NUP133: variants seen among roughly 807,000 people sequenced by gnomAD.
The protein encoded by NUP133 is nucleoporin 133, also known as nuclear pore complex protein Nup133.
A neutral mutation model predicts 146.2 loss-of-function variants in NUP133; 66 were observed. The observed-to-expected ratio is 0.45, with a 90% CI of 0.37 to 0.55. The LOEUF (loss-of-function observed/expected upper bound fraction) is 0.55. Ranked by LOEUF, NUP133 falls within the 20% of genes least tolerant of loss-of-function variation. The pLI is 0.00. For synonymous variants in NUP133, 521 were observed against 498.8 expected, an observed-to-expected ratio of 1.04 and a Z score of -0.59; for missense variants, 1,277 against 1,374.8, an observed-to-expected ratio of 0.93 and a Z score of 1.12.
At chr1:229,491,704 C>A (rs1186855081) in intron 8 of NUP133, among the ~76,000 whole-genome samples, 2 of 152,028 alleles carry the variant, frequency 1.3e-5, no homozygotes, top group Non-Finnish European at 1.5e-5. Flanking sequence ...CTTGAACCTG[C>A]GATGCAGAGA....
chr1:229,480,544 A>G (rs1661183785), intron 12 of NUP133, among the ~76,000 whole-genome samples: 1 of 152,248 alleles, frequency 6.6e-6, no homozygotes, highest in African/African-American at 2.4e-5. Context: ...CTATAAAAAC[A>G]GTAATATTAC....
chr1:229,478,318 T>C (rs959598298), intron 12 of NUP133, among the ~76,000 whole-genome samples: 2 of 152,072 alleles, frequency 1.3e-5, no homozygotes, highest in Non-Finnish European at 2.9e-5. Flanking sequence ...TGCTCGGCTC[T>C]GGACACAGAA....
Position 229,508,139 on chromosome 1 carries a change from C to A in NUP133, c.111G>T (p.Leu37=). 6.3e-7 allele frequency: 1 copy of A among 1,596,476 alleles called. No individual in the cohort carries two copies. Among genetic ancestry groups the A allele is most frequent in the South Asian group, 1.1e-5 (1 of 89,422 alleles). ...GGGAGCTGACTGCAGACCCCAGGGGCAGACCCTTCCTGCTAGCCGTCCGGG... is the reference window on the plus strand; with the variant it reads ...GGGAGCTGACTGCAGACCCCAGGGGAAGACCCTTCCTGCTAGCCGTCCGGG... The part of the protein sequence containing the change: ...STPRTASRKG[L]PLGSAVSSPV... The change falls in exon 1 of 26, where the codon CTG becomes CTT. Residue 37 remains leucine (L), a synonymous_variant. Transcript: ENST00000261396.
chr1:229,497,271 A>G (rs1661678051), intron 6 of NUP133, among the ~76,000 whole-genome samples: 1 of 152,178 alleles, frequency 6.6e-6, no homozygotes, highest in South Asian at 2.1e-4. Context: ...ATAGAAGGAG[A>G]GGGAGACACA....
intron 6 of NUP133, among the ~76,000 whole-genome samples, chr1:229,496,892 G>T (rs1558107595): frequency 6.6e-6 from 1 of 152,158 alleles, no homozygotes; most frequent in Non-Finnish European, 1.5e-5. Context: ...ATGTGAATTG[G>T]TAAGTGTAGC....
At chr1:229,465,085 C>T (rs573219058) in intron 17 of NUP133, among the ~76,000 whole-genome samples, 2 of 152,278 alleles carry the variant, frequency 1.3e-5, no homozygotes, top group East Asian at 3.9e-4. Flanking sequence ...ACTCTTCTTC[C>T]TTCTAAATTC....
chr1:229,445,613 C>T (rs1188158826), intron 24 of NUP133, among the ~76,000 whole-genome samples: 1 of 152,152 alleles, frequency 6.6e-6, no homozygotes, highest in African/African-American at 2.4e-5. Context: ...GCCACTGGAC[C>T]CAGCCAGAAG....
chr1:229,465,409 C>G lies in NUP133; in HGVS notation c.2299+11G>C. The G allele has an allele frequency of 6.5e-7, 1 of 1,544,450 alleles. No homozygotes were observed. Among genetic ancestry groups the G allele is most frequent in the Non-Finnish European group, 8.9e-7 (1 of 1,119,168 alleles). ...ATATTTTGAACAACTGTTAATAAAT[C>G]AGTATATTACCCGTCCATGGAACAT... On this transcript the variant is annotated intron_variant, in intron 17 of 25. Coordinates refer to ENST00000261396, the MANE Select transcript of NUP133 (RefSeq NM_018230.3).
intron 2 of NUP133, among the ~76,000 whole-genome samples, chr1:229,502,516 G>A (rs1032686044): frequency 1.2e-4 from 15 of 125,692 alleles, no homozygotes; most frequent in Admixed American, 4.2e-4. Context: ...CCGAGATCGT[G>A]CCACTGCACT....
chr1:229,492,940 T>A (rs1178921713), intron 8 of NUP133, among the ~76,000 whole-genome samples: 2 of 151,854 alleles, frequency 1.3e-5, no homozygotes, highest in South Asian at 4.2e-4. Flanking sequence ...AAATCAACTT[T>A]AAAAAAAAGA....
chr1:229,503,660 AG>A (rs1253762769), intron 2 of NUP133, among the ~76,000 whole-genome samples: 22 of 152,358 alleles, frequency 1.4e-4, no homozygotes, highest in Admixed American at 1.2e-3. Flanking sequence ...AACCAAGCCC[AG>A]GCTGAGTGAG....
intron 8 of NUP133, among the ~76,000 whole-genome samples, chr1:229,494,376 TAC>T: frequency 6.6e-6 from 1 of 152,174 alleles, no homozygotes; most frequent in Non-Finnish European, 1.5e-5. Flanking sequence ...AGAGACAAAT[TAC>T]ACAAAGTGGT....
At chr1:229,466,866 G>C in intron 15 of NUP133, 110 bp from the exon 16 acceptor site, 2 of 861,750 alleles carry the variant, frequency 2.3e-6, no homozygotes, top group Non-Finnish European at 3.3e-6. Flanking sequence ...TATAGATGGA[G>C]GAAAATTTAT....
intron 10 of NUP133, 73 bp downstream of exon 10, chr1:229,487,393 A>T: frequency 7.1e-7 from 1 of 1,408,198 alleles, no homozygotes; most frequent in Non-Finnish European, 9.8e-7. Flanking sequence ...AGTGACATTC[A>T]GGGAAAGAGA....
intron 8 of NUP133, among the ~76,000 whole-genome samples, chr1:229,490,532 G>C (rs984734284): frequency 1.3e-5 from 2 of 152,138 alleles, no homozygotes; most frequent in African/African-American, 4.8e-5. Flanking sequence ...TATAGGGACA[G>C]AAACCACATC....
chr1:229,505,149 CCT>C (rs1211832735), intron 2 of NUP133, among the ~76,000 whole-genome samples: 1 of 152,148 alleles, frequency 6.6e-6, no homozygotes, highest in African/African-American at 2.4e-5. Context: ...ATTGGACACC[CCT>C]GAGACTATCC....
chr1:229,483,496 G>A (rs1661268012), intron 12 of NUP133, among the ~76,000 whole-genome samples: 1 of 151,912 alleles, frequency 6.6e-6, no homozygotes, highest in African/African-American at 2.4e-5. Context: ...CCTAAAATCA[G>A]GAGTTTGAGA....
At chr1:229,485,315 A>G (rs1661321787) in intron 11 of NUP133, among the ~76,000 whole-genome samples, 1 of 152,228 alleles carries the variant, frequency 6.6e-6, no homozygotes, top group Non-Finnish European at 1.5e-5. Flanking sequence ...TTTGAGGACA[A>G]TAGAAAAGGG....
At chr1:229,495,808 GAAAT>G in intron 7 of NUP133, 80 bp downstream of exon 7, 1 of 1,216,716 alleles carries the variant, frequency 8.2e-7, no homozygotes, top group Non-Finnish European at 1.1e-6. Context: ...GAAATGTGTT[GAAAT>G]AAATAAAACA....
Sources: gnomAD v4.1 joint callset for allele counts (sites outside exome capture counted in the v4.1 genomes callset) on GRCh38, gnomAD v4.1.1 for gene constraint, MANE v1.5 for transcripts, NCBI Gene and HGNC (gene_info 2026-07-23, HGNC 2026-07-21) for gene names.